The following PTPN7 variants were observed in gnomAD, a reference collection of about 807,000 sequenced individuals.
The protein encoded by PTPN7 is protein tyrosine phosphatase non-receptor type 7, also known as tyrosine-protein phosphatase non-receptor type 7.
In PTPN7, 33 loss-of-function variants were observed where a neutral mutation model predicts 50.3. That is an observed-to-expected ratio of 0.66 (90% CI 0.50 to 0.88). The LOEUF (loss-of-function observed/expected upper bound fraction) is 0.88. Ranked by LOEUF, PTPN7 falls within the 40% of genes least tolerant of loss-of-function variation. PTPN7 has a pLI of 0.00. For synonymous variants in PTPN7, 185 were observed against 186.6 expected (o/e 0.99, Z 0.07); for missense variants, 412 against 475.4 (o/e 0.87, Z 1.24).
intron 4 of PTPN7, among the ~76,000 whole-genome samples, chr1:202,156,341 A>G (rs1656655181): frequency 6.6e-6 from 1 of 152,228 alleles, no homozygotes; most frequent in African/African-American, 2.4e-5. Flanking sequence ...AGAGATGTAG[A>G]GGAAGAAGAA....
In PTPN7 at chr1:202,148,435, C is replaced by T. The variant is rs141778187; in HGVS notation, c.*171G>A. ...CCAGTGTTGAAGACCTGGAATCCGG[C>T]CCCTTGTCCTTACTGCTGCTGCTTC... On this transcript the variant is annotated 3_prime_UTR_variant, in exon 10 of 10. Transcript: ENST00000691036. The T allele has an allele frequency of 6.6e-4, 360 of 545,686 alleles. No homozygotes were observed. The highest frequency in any genetic ancestry group is 1.0e-3 in the Non-Finnish European group (318 of 309,932). The allele number at this position is 545,686 out of a possible 1,614,324, so 33.8% of individuals were successfully genotyped here.
At chr1:202,160,819 C>T, upstream of PTPN7, 2 of 1,534,398 alleles carry the variant, frequency 1.3e-6, no homozygotes, top group African/African-American at 1.4e-5. The surrounding 1 kb of genome is among the most constrained non-coding windows in gnomAD (Gnocchi z 4.8). Flanking sequence ...CTGCTTTCCC[C>T]AGCTTCCAGA....
At position 202,148,018 on chromosome 1, in the gene PTPN7, A is replaced by C. The variant is rs915998619; in HGVS notation, c.*588T>G. 2 of 152,174 alleles carry C rather than the reference A, an allele frequency of 1.3e-5. No individual in the cohort carries two copies. Among genetic ancestry groups the C allele is most frequent in the African/African-American group, 4.8e-5 (2 of 41,392 alleles). 9.4% of individuals were successfully genotyped at this position (152,174 alleles called of 1,614,324 possible). Reference sequence around the variant, plus strand: ...TGATTGGGGTCATCCAGCCCTTCCGATGTGTGGTCAGGGAGCAGAGTCACT... The same window carrying C: ...TGATTGGGGTCATCCAGCCCTTCCGCTGTGTGGTCAGGGAGCAGAGTCACT... On this transcript the variant is annotated 3_prime_UTR_variant, in exon 10 of 10. Transcript: ENST00000691036.
chr1:202,160,402 G>C lies in PTPN7; in HGVS notation c.-53+143C>G. On this transcript the variant is annotated intron_variant, in intron 1 of 9. Coordinates refer to ENST00000691036, the MANE Select transcript of PTPN7 (RefSeq NM_002832.4). This position sits in a 1 kb window ranked among gnomAD's most constrained non-coding sequence, Gnocchi z 4.8. ...CTCACCCCCGTCTTGGGGACATCAG[G>C]TCTGTGAGCACCCATACCCCAGCCA... 4.8e-6 allele frequency: 4 copies of C among 841,872 alleles called. No individual in the cohort carries two copies. Among genetic ancestry groups the C allele is most frequent in the Non-Finnish European group, 7.4e-6 (4 of 544,104 alleles). 52.2% of individuals were successfully genotyped at this position (841,872 alleles called of 1,614,324 possible).
At chr1:202,150,836 G>A (rs930724359) in intron 8 of PTPN7, among the ~76,000 whole-genome samples, 2 of 151,966 alleles carry the variant, frequency 1.3e-5, no homozygotes, top group African/African-American at 2.4e-5. Context: ...GCCCACGCCC[G>A]GCCCCTCTGT....
chr1:202,148,871 T>C (rs886610351), intron 9 of PTPN7, among the ~76,000 whole-genome samples, 172 bp from the exon 10 acceptor site: 1 of 144,378 alleles, frequency 6.9e-6, no homozygotes, highest in Non-Finnish European at 1.5e-5. Context: ...TTTTTTTTTT[T>C]GTGAGACAGA....
At position 202,152,688 on chromosome 1, in the gene PTPN7, C is replaced by T. The variant is rs1260468108; in HGVS notation, c.729G>A (p.Glu243=). 4.3e-6 allele frequency: 7 copies of T among 1,614,092 alleles called. No individual in the cohort carries two copies. Among genetic ancestry groups the T allele is most frequent in the Non-Finnish European group, 5.9e-6 (7 of 1,180,026 alleles). Residue 243 remains glutamate (E), a synonymous_variant, in exon 8 of 10, where the codon GAG becomes GAA. Coordinates refer to ENST00000691036, the MANE Select transcript of PTPN7 (RefSeq NM_002832.4). The part of the protein sequence containing the change: ...VRQLTIQYQE[E]RRSVKHILFS... ...AGAGGATGTGCTTTACTGACCGGCG[C>T]TCTTCCTGGTACTGGATTGGAGACA...
At chr1:202,160,758 C>A, upstream of PTPN7, 1 of 1,549,872 alleles carries the variant, frequency 6.5e-7, no homozygotes, top group East Asian at 2.4e-5. This position sits in a 1 kb window ranked among gnomAD's most constrained non-coding sequence, Gnocchi z 4.8. Flanking sequence ...TTCTGGGGCC[C>A]AAGGCCCCGT....
upstream of PTPN7, chr1:202,160,785 A>G: frequency 6.5e-7 from 1 of 1,549,864 alleles, no homozygotes; most frequent in Non-Finnish European, 8.7e-7. This position sits in a 1 kb window ranked among gnomAD's most constrained non-coding sequence, Gnocchi z 4.8. Context: ...GGAATGGGTG[A>G]GGGGCCAGGC....
rs747274407 is a variant in PTPN7, at chr1:202,154,226, G to T, written c.566C>A (p.Ser189Tyr). Residue 189 changes from serine (S) to tyrosine (Y), a missense_variant, in exon 6 of 10, where the codon TCC (serine) becomes TAC (tyrosine). By Grantham distance (144) the Ser-to-Tyr change is moderately radical. Transcript: ENST00000691036. ...FWEMVWQEEVSLIVMLTQLRE... is the reference protein window; with the variant it reads ...FWEMVWQEEVYLIVMLTQLRE... The stretch of plus-strand genomic sequence containing the variant: ...GAGCTGAGTGAGCATGACAATGAGG[G>T]ACACTTCCTCTTGCCACACCATCTC... 6.2e-7 allele frequency: 1 copy of T among 1,614,034 alleles called. No homozygotes were observed. Among genetic ancestry groups the T allele is most frequent in the Non-Finnish European group, 8.5e-7 (1 of 1,180,050 alleles).
rs775311727 is a variant in PTPN7, at chr1:202,157,797, G to A, written c.333C>T (p.Pro111=). Reference sequence around the variant, plus strand: ...CGTGGCCAGGGATGTCCAGGTCTTCGGGGCTGACAAAGTTTGAAGGGATCT... The same window carrying A: ...CGTGGCCAGGGATGTCCAGGTCTTCAGGGCTGACAAAGTTTGAAGGGATCT... ...FLKIPSNFVS[P]EDLDIPGHAS... Residue 111 remains proline, a synonymous_variant, in exon 4 of 10, where the codon CCC becomes CCT. Coordinates refer to ENST00000691036, the MANE Select transcript of PTPN7 (RefSeq NM_002832.4). The A allele has an allele frequency of 2.7e-5, 43 of 1,614,004 alleles. No homozygotes were observed. The Admixed American group carries it at 4.5e-4, about 17-fold the overall frequency.
intron 3 of PTPN7, 34 bp downstream of exon 3, chr1:202,158,084 G>A (rs779004467): frequency 1.9e-6 from 3 of 1,546,962 alleles, no homozygotes; most frequent in South Asian, 2.5e-5. Context: ...GATACAGAGG[G>A]CAGAGCGATT....
At chr1:202,161,552 C>T, upstream of PTPN7, 1 of 1,287,196 alleles carries the variant, frequency 7.8e-7, no homozygotes, top group Admixed American at 2.3e-5. Flanking sequence ...AGCAGCCCAG[C>T]CGGTTCATGC....
chr1:202,154,607 T>C (rs1656440248), intron 5 of PTPN7, among the ~76,000 whole-genome samples: 1 of 152,220 alleles, frequency 6.6e-6, no homozygotes, highest in Admixed American at 6.5e-5. Context: ...GGCATAATAA[T>C]ATCTATCTTG....
rs75002099 is a variant in PTPN7, at chr1:202,157,900, T to G, written c.307-77A>C. 2.2e-4 allele frequency: 327 copies of G among 1,484,734 alleles called. 2 individuals are homozygous for G. The East Asian group carries it at 7.1e-3, about 32-fold the overall frequency. 92.0% of individuals were successfully genotyped at this position (1,484,734 alleles called of 1,614,324 possible). On this transcript the variant is annotated intron_variant, in intron 3 of 9. Coordinates refer to ENST00000691036, the MANE Select transcript of PTPN7 (RefSeq NM_002832.4). ...TCCTTCTACCTTTTTCTAGAACAGC[T>G]GGACTCTGGCCATTCCTTCTTGACA...
At chr1:202,160,733 C>T (rs924060842), upstream of PTPN7, 5 of 1,550,336 alleles carry the variant, frequency 3.2e-6, no homozygotes, top group Admixed American at 5.9e-5. The surrounding 1 kb of genome is among the most constrained non-coding windows in gnomAD (Gnocchi z 4.8). Flanking sequence ...GGTCGGCTGC[C>T]TCCCGCCTGT....
At chr1:202,151,514 C>T (rs916396087) in intron 8 of PTPN7, among the ~76,000 whole-genome samples, 2 of 144,358 alleles carry the variant, frequency 1.4e-5, no homozygotes, top group Non-Finnish European at 3.1e-5. Flanking sequence ...CATCACATTG[C>T]GTGGTATTTA....
chr1:202,159,092 A>G lies in PTPN7; in HGVS notation c.122+189T>C. 5 of 618,198 alleles carry G rather than the reference A, an allele frequency of 8.1e-6. No homozygotes were observed. The highest frequency in any genetic ancestry group is 2.8e-5 in the East Asian group (1 of 36,222). The allele number at this position is 618,198 out of a possible 1,614,324, so 38.3% of individuals were successfully genotyped here. ...TTTAGGGAGCAGGCTCATGGTTGATATGAAACTCTGTGCTCCAGACATGCA... is the reference window on the plus strand; with the variant it reads ...TTTAGGGAGCAGGCTCATGGTTGATGTGAAACTCTGTGCTCCAGACATGCA... On this transcript the variant is annotated intron_variant, in intron 2 of 9. Coordinates refer to ENST00000691036, the MANE Select transcript of PTPN7 (RefSeq NM_002832.4). This position sits in a 1 kb window ranked among gnomAD's most constrained non-coding sequence, Gnocchi z 4.6.
In PTPN7 at chr1:202,160,442, C is replaced by T. The variant is rs1382266772; in HGVS notation, c.-53+103G>A. ...TACCCCAGCCAGGCACTGTGGCGCC[C>T]CACTCGCCCTCCCGCACTCCCTCCT... On this transcript the variant is annotated intron_variant, in intron 1 of 9. Transcript: ENST00000691036. The surrounding 1 kb of genome is among the most constrained non-coding windows in gnomAD (Gnocchi z 4.8). 2.4e-5 allele frequency: 29 copies of T among 1,223,194 alleles called. No individual in the cohort carries two copies. Among genetic ancestry groups the T allele is most frequent in the Middle Eastern group, 2.8e-4 (1 of 3,586 alleles). 75.8% of individuals were successfully genotyped at this position (1,223,194 alleles called of 1,614,324 possible).
Sources: allele counts gnomAD v4.1 joint callset (sites outside exome capture counted in the v4.1 genomes callset), GRCh38; gene constraint gnomAD v4.1.1; non-coding constraint Gnocchi (gnomAD v3.1); transcripts MANE v1.5; gene names NCBI Gene and HGNC (gene_info 2026-07-23, HGNC 2026-07-21).